The following GPC6 variants were observed in gnomAD, a reference collection of about 807,000 sequenced individuals.
The protein encoded by GPC6 is glypican 6.
Under a neutral mutation model 55.2 loss-of-function variants are expected in GPC6, and 14 were observed. The observed-to-expected ratio is 0.25, with a 90% CI of 0.17 to 0.40. GPC6 has a LOEUF of 0.40. Ranked by LOEUF, GPC6 falls within the 10% of genes least tolerant of loss-of-function variation. The probability of loss-of-function intolerance (pLI) is 1.00; values close to 1 mark genes in which losing one functional copy is unlikely to be tolerated. For missense variants in GPC6, 641 were observed against 708.5 expected, an observed-to-expected ratio of 0.90 and a Z score of 1.08; for synonymous variants, 278 against 259.6, an observed-to-expected ratio of 1.07 and a Z score of -0.68.
intron 2 of GPC6, among the ~76,000 whole-genome samples, chr13:93,752,514 A>C (rs762396836): frequency 9.2e-5 from 14 of 152,142 alleles, no homozygotes; most frequent in Non-Finnish European, 1.8e-4. Context: ...ATCTATTACC[A>C]CTGGCAACAT....
intron 2 of GPC6, among the ~76,000 whole-genome samples, chr13:93,613,051 C>G (rs1473027820): frequency 2.0e-5 from 3 of 152,174 alleles, no homozygotes; most frequent in Non-Finnish European, 4.4e-5. Context: ...CTTTAACTCT[C>G]ACTTGCTATG....
chr13:94,093,806 T>C (rs75404876), intron 4 of GPC6, among the ~76,000 whole-genome samples: 3 of 152,020 alleles, frequency 2.0e-5, no homozygotes, highest in East Asian at 1.9e-4. Flanking sequence ...ATGGCAGAAG[T>C]TGTAAAGTGA....
chr13:93,570,459 T>A (rs1876346525), intron 2 of GPC6, among the ~76,000 whole-genome samples: 1 of 152,138 alleles, frequency 6.6e-6, no homozygotes, highest in African/African-American at 2.4e-5. Context: ...AGTTATTTTA[T>A]CGACTTACAA....
intron 2 of GPC6, among the ~76,000 whole-genome samples, chr13:93,555,153 GT>G (rs1259760788): frequency 6.6e-6 from 1 of 152,136 alleles, no homozygotes; most frequent in East Asian, 1.9e-4. Flanking sequence ...TGAAAGAATA[GT>G]TCTGTGGTCA....
intron 1 of GPC6, among the ~76,000 whole-genome samples, chr13:93,368,341 C>CCTGCT (rs1881329454): frequency 2.7e-5 from 1 of 36,610 alleles, no homozygotes; most frequent in African/African-American, 9.6e-5. Context: ...CCCTGCTTTC[C>CCTGCT]TTCCTTCCTT....
intron 1 of GPC6, among the ~76,000 whole-genome samples, chr13:93,423,050 C>G (rs200053652): frequency 1.8e-5 from 1 of 54,996 alleles, no homozygotes; most frequent in South Asian, 4.8e-4. Flanking sequence ...GGTGGTCACA[C>G]CCCACCAGCT....
At chr13:93,340,141 T>G (rs1438147366) in intron 1 of GPC6, among the ~76,000 whole-genome samples, 1 of 149,190 alleles carries the variant, frequency 6.7e-6, no homozygotes, top group East Asian at 2.0e-4. Context: ...TTCATGCCAT[T>G]CTCCTGCCTC....
chr13:94,317,752 G>A (rs367911208), intron 6 of GPC6, among the ~76,000 whole-genome samples: 3 of 152,204 alleles, frequency 2.0e-5, no homozygotes, highest in Non-Finnish European at 4.4e-5. Flanking sequence ...TTTGGAGAAT[G>A]AGAAGTAAAA....
chr13:93,455,167 C>T (rs1454978393), intron 1 of GPC6, among the ~76,000 whole-genome samples: 6 of 152,178 alleles, frequency 3.9e-5, no homozygotes, highest in Non-Finnish European at 2.9e-5. Flanking sequence ...TTGCGCCTCT[C>T]CCTCCACACC....
chr13:94,247,529 A>G (rs1891231967), intron 4 of GPC6, among the ~76,000 whole-genome samples: 1 of 150,808 alleles, frequency 6.6e-6, no homozygotes, highest in African/African-American at 2.5e-5. Flanking sequence ...TTTCTTCTAT[A>G]CCTAAACTGT....
chr13:93,489,563 G>A (rs1028963530), intron 1 of GPC6, among the ~76,000 whole-genome samples: 66 of 151,554 alleles, frequency 4.4e-4, no homozygotes, highest in African/African-American at 1.4e-3. Flanking sequence ...ACCTTGGGCA[G>A]TATGGCCATT....
intron 4 of GPC6, among the ~76,000 whole-genome samples, chr13:94,157,145 T>C (rs989879489): frequency 2.0e-5 from 3 of 152,136 alleles, no homozygotes; most frequent in African/African-American, 7.2e-5. Flanking sequence ...CCTCTTTAGA[T>C]GTATGGCTTT....
At chr13:94,168,970 G>A (rs1019647310) in intron 4 of GPC6, among the ~76,000 whole-genome samples, 2 of 152,126 alleles carry the variant, frequency 1.3e-5, no homozygotes, top group East Asian at 3.9e-4. Context: ...TGGGCGTGGG[G>A]ATAGAAGTTG....
At chr13:93,674,847 C>CTT (rs3076850) in intron 2 of GPC6, among the ~76,000 whole-genome samples, 147,675 of 152,218 alleles carry the variant, frequency 0.97, 71,681 homozygotes, top group African/African-American at 0.99. Context: ...CCCTAAATGA[C>CTT]TTGGCTGCTT....
intron 3 of GPC6, among the ~76,000 whole-genome samples, chr13:93,926,294 C>G (rs1877853473): frequency 6.6e-6 from 1 of 152,088 alleles, no homozygotes; most frequent in South Asian, 2.1e-4. Flanking sequence ...AAACAAGCAG[C>G]TGGTTAAACA....
chr13:94,321,172 G>A (rs1386147912), intron 6 of GPC6, among the ~76,000 whole-genome samples: 2 of 152,102 alleles, frequency 1.3e-5, no homozygotes, highest in Non-Finnish European at 2.9e-5. Context: ...TGTAGTATTT[G>A]ATTTTCTGTT....
At chr13:93,783,262 A>T (rs980624913) in intron 2 of GPC6, among the ~76,000 whole-genome samples, 3 of 152,104 alleles carry the variant, frequency 2.0e-5, no homozygotes, top group Non-Finnish European at 4.4e-5. Flanking sequence ...GCTATTGTGC[A>T]TAGTGCTGTA....
intron 1 of GPC6, among the ~76,000 whole-genome samples, chr13:93,276,493 AG>A (rs1877752876): frequency 1.1e-5 from 1 of 92,912 alleles, no homozygotes; most frequent in Admixed American, 9.6e-5. Flanking sequence ...AGAGAGAGAG[AG>A]AGTGTGTGTG....
chr13:93,533,783 G>T (rs1469827230), intron 1 of GPC6, among the ~76,000 whole-genome samples: 1 of 151,426 alleles, frequency 6.6e-6, no homozygotes, highest in East Asian at 2.0e-4. Flanking sequence ...AGTTGCTCTT[G>T]CTGTCAGCCA....
Sources: allele counts gnomAD v4.1 joint callset (sites outside exome capture counted in the v4.1 genomes callset), GRCh38; gene constraint gnomAD v4.1.1; transcripts MANE v1.5; gene names NCBI Gene and HGNC (gene_info 2026-07-23, HGNC 2026-07-21).